Variants in NXPH1 observed in about 807,000 individuals in gnomAD.
NXPH1 encodes the protein neurexophilin 1.
NXPH1 carries 5 observed loss-of-function variants against 23.7 expected under a neutral mutation model. That is an observed-to-expected ratio of 0.21 (90% CI 0.11 to 0.44). The LOEUF (loss-of-function observed/expected upper bound fraction) is 0.44, where lower values mean the gene tolerates loss of function less well. Ranked by LOEUF, NXPH1 falls within the 20% of genes least tolerant of loss-of-function variation. NXPH1 has a pLI of 0.99. For synonymous variants in NXPH1, 144 were observed against 122.2 expected, an observed-to-expected ratio of 1.18 and a Z score of -1.18; for missense variants, 324 against 321.6, an observed-to-expected ratio of 1.01 and a Z score of -0.06.
chr7:8,486,054 A>C (rs1817153969), intron 2 of NXPH1, among the ~76,000 whole-genome samples: 1 of 152,200 alleles, frequency 6.6e-6, no homozygotes, highest in Admixed American at 6.6e-5. Flanking sequence ...TTTAAAACAT[A>C]TGATGGGATT....
intron 2 of NXPH1, among the ~76,000 whole-genome samples, chr7:8,478,183 G>C (rs1038355750): frequency 6.6e-6 from 1 of 152,024 alleles, no homozygotes; most frequent in African/African-American, 2.4e-5. Flanking sequence ...TCCTCCAAAA[G>C]CCACCAGAAA....
intron 2 of NXPH1, among the ~76,000 whole-genome samples, chr7:8,568,069 A>G (rs1818578657): frequency 6.6e-6 from 1 of 151,904 alleles, no homozygotes; most frequent in African/African-American, 2.4e-5. Flanking sequence ...GGATAGATAT[A>G]ACATATAGCT....
At chr7:8,536,003 T>C (rs1041408266) in intron 2 of NXPH1, among the ~76,000 whole-genome samples, 1 of 151,992 alleles carries the variant, frequency 6.6e-6, no homozygotes, top group African/African-American at 2.4e-5. Flanking sequence ...ACTTGTGTGA[T>C]CCTTTGCTCA....
intron 2 of NXPH1, among the ~76,000 whole-genome samples, chr7:8,596,980 A>G (rs1490817286): frequency 6.6e-6 from 1 of 152,124 alleles, no homozygotes; most frequent in Non-Finnish European, 1.5e-5. Context: ...TAATCTTGGT[A>G]TGGGAAGAAA....
intron 2 of NXPH1, among the ~76,000 whole-genome samples, chr7:8,596,922 C>A (rs2107281): frequency 6.6e-6 from 1 of 151,926 alleles, no homozygotes; most frequent in Non-Finnish European, 1.5e-5. Flanking sequence ...CTATATGCAA[C>A]GTGCAGGAAT....
chr7:8,573,184 A>G lies in NXPH1; in HGVS notation c.54+137417A>G, dbSNP rs150916615. Among the ~76,000 whole-genome samples the G allele has an allele frequency of 2.2e-3, 329 of 151,814 alleles. 5 individuals carry two copies. Among genetic ancestry groups the G allele is most frequent in the African/African-American group, 7.5e-3 (311 of 41,382 alleles). ...AATGTCTTAAACATTTCTCCTTGTC[A>G]TTAAAAACTCTCTGTTCACATCATT... is the stretch of plus-strand genomic sequence containing the variant. On this transcript the variant is annotated intron_variant, in intron 2 of 2. Coordinates refer to ENST00000405863, the MANE Select transcript of NXPH1 (RefSeq NM_152745.3).
At chr7:8,649,986 T>C (rs568876741) in intron 2 of NXPH1, among the ~76,000 whole-genome samples, 2 of 151,886 alleles carry the variant, frequency 1.3e-5, no homozygotes, top group African/African-American at 4.8e-5. Context: ...AGTCAGTGAA[T>C]TGGACATTGG....
intron 2 of NXPH1, among the ~76,000 whole-genome samples, chr7:8,703,066 C>T (rs1779651693): frequency 6.6e-6 from 1 of 152,086 alleles, no homozygotes; most frequent in African/African-American, 2.4e-5. Flanking sequence ...TTTTACCTCT[C>T]CCTTTTTGCT....
At chr7:8,589,532 A>G (rs1018382082) in intron 2 of NXPH1, among the ~76,000 whole-genome samples, 2 of 152,080 alleles carry the variant, frequency 1.3e-5, no homozygotes, top group Non-Finnish European at 2.9e-5. Flanking sequence ...AGAGGGTATT[A>G]TACCTAGCAA....
chr7:8,711,191 G>T (rs904435187), intron 2 of NXPH1, among the ~76,000 whole-genome samples: 3 of 152,094 alleles, frequency 2.0e-5, no homozygotes, highest in Admixed American at 2.0e-4. Flanking sequence ...ACCTGGAGAA[G>T]AAAACAAAGA....
intron 2 of NXPH1, among the ~76,000 whole-genome samples, chr7:8,493,108 G>A (rs1817278808): frequency 6.6e-6 from 1 of 151,882 alleles, no homozygotes; most frequent in Admixed American, 6.6e-5. Context: ...TCTTTGTGAG[G>A]CAGGGTAAAT....
At chr7:8,691,809 A>C (rs1455018105) in intron 2 of NXPH1, among the ~76,000 whole-genome samples, 1 of 152,216 alleles carries the variant, frequency 6.6e-6, no homozygotes, top group African/African-American at 2.4e-5. Context: ...GAAGACAAGC[A>C]ATGAACAACT....
At position 8,604,723 on chromosome 7, in the gene NXPH1, G is replaced by T. The variant is rs557196759; in HGVS notation, c.55-146285G>T. On this transcript the variant is annotated intron_variant, in intron 2 of 2. Transcript: ENST00000405863. ...TTCTAAAACAAGATATTATAGGCAG[G>T]TTCCAATATGGTACTAGACTACTAG... 4.6e-5 allele frequency among the ~76,000 whole-genome samples: 7 copies of T among 152,174 alleles called. No individual in the cohort carries two copies. In the East Asian group the frequency reaches 7.7e-4, roughly 17 times the overall value.
chr7:8,689,844 G>T (rs1000292592), intron 2 of NXPH1, among the ~76,000 whole-genome samples: 8 of 152,044 alleles, frequency 5.3e-5, no homozygotes, highest in Non-Finnish European at 8.8e-5. Flanking sequence ...TAGCATATAG[G>T]GTGGCCATAT....
intron 2 of NXPH1, among the ~76,000 whole-genome samples, chr7:8,672,846 A>T (rs1220411283): frequency 1.3e-5 from 2 of 152,068 alleles, no homozygotes; most frequent in African/African-American, 4.8e-5. Context: ...TTTCCTCATT[A>T]CTTTTCTTGG....
chr7:8,558,840 C>T (rs935437774), intron 2 of NXPH1, among the ~76,000 whole-genome samples: 8 of 151,518 alleles, frequency 5.3e-5, no homozygotes, highest in Admixed American at 3.3e-4. Flanking sequence ...AGATGACTGC[C>T]GTCTTTTGTG....
chr7:8,560,254 C>A (rs555143688), intron 2 of NXPH1, among the ~76,000 whole-genome samples: 1 of 151,776 alleles, frequency 6.6e-6, no homozygotes, highest in African/African-American at 2.4e-5. Context: ...CAAACCCAAC[C>A]TTCTCATACT....
At chr7:8,566,059 A>G (rs867613446) in intron 2 of NXPH1, among the ~76,000 whole-genome samples, 2 of 151,900 alleles carry the variant, frequency 1.3e-5, no homozygotes, top group Middle Eastern at 3.4e-3. Context: ...TGAGGACTTT[A>G]CTGTCAAGAG....
At chr7:8,496,193 C>A (rs978354049) in intron 2 of NXPH1, among the ~76,000 whole-genome samples, 1 of 151,980 alleles carries the variant, frequency 6.6e-6, no homozygotes, top group African/African-American at 2.4e-5. Flanking sequence ...AGTACCATTT[C>A]ATGTCGGGCC....
Sources: gnomAD v4.1 joint callset for allele counts (sites outside exome capture counted in the v4.1 genomes callset) on GRCh38, gnomAD v4.1.1 for gene constraint, MANE v1.5 for transcripts, NCBI Gene and HGNC (gene_info 2026-07-23, HGNC 2026-07-21) for gene names.